The following WDTC1 variants were observed in gnomAD, a reference collection of about 807,000 sequenced individuals.
WDTC1 encodes WD and tetratricopeptide repeats 1.
In WDTC1, 12 loss-of-function variants were observed where a neutral mutation model predicts 76.0. The observed-to-expected ratio is 0.16, with a 90% CI of 0.10 to 0.26. The LOEUF (loss-of-function observed/expected upper bound fraction) is 0.26, where lower values mean the gene tolerates loss of function less well. Ranked by LOEUF, WDTC1 falls within the 10% of genes least tolerant of loss-of-function variation. The pLI, the probability that WDTC1 is intolerant of heterozygous loss-of-function variation, is 1.00. For missense variants in WDTC1, 511 were observed against 908.8 expected (o/e 0.56, Z 5.63); for synonymous variants, 326 against 350.8 (o/e 0.93, Z 0.79).
Position 27,301,103 on chromosome 1 carries a change from C to T in WDTC1, c.1233-123C>T. The T allele has an allele frequency of 1.3e-6, 1 of 794,776 alleles. No individual in the cohort carries two copies. The highest frequency in any genetic ancestry group is 2.0e-6 in the Non-Finnish European group (1 of 489,066). 49.2% of individuals were successfully genotyped at this position (794,776 alleles called of 1,614,324 possible). ...GCCAGGATTCTCTTCGTCCTCAAGT[C>T]CCCTTGCCATGAGATCTGTCAGTGG... On this transcript the variant is annotated intron_variant, in intron 12 of 15. Coordinates refer to ENST00000319394, the MANE Select transcript of WDTC1 (RefSeq NM_001276252.2). The surrounding 1 kb of genome is among the most constrained non-coding windows in gnomAD (Gnocchi z 5.8).
intron 9 of WDTC1, among the ~76,000 whole-genome samples, chr1:27,295,800 C>G (rs2013667924): frequency 6.6e-6 from 1 of 151,786 alleles, no homozygotes; most frequent in Admixed American, 6.6e-5. Context: ...GGGTCTCATT[C>G]TGTCACCCAG....
At position 27,306,199 on chromosome 1, in the gene WDTC1, C is replaced by G. The variant is rs140564293; in HGVS notation, c.1850C>G (p.Thr617Arg). 1,821 of 1,614,124 alleles carry G rather than the reference C, an allele frequency of 1.1e-3. 8 individuals are homozygous for G. Among genetic ancestry groups the G allele is most frequent in the South Asian group, 7.3e-3 (667 of 91,084 alleles). The change falls in exon 16 of 16, where the codon ACA (threonine) becomes AGA (arginine). Residue 617 changes from threonine (T) to arginine (R), a missense_variant. Physicochemically the swap from Thr to Arg is moderately conservative, Grantham distance 71. Transcript: ENST00000319394. The surrounding 1 kb of genome is among the most constrained non-coding windows in gnomAD (Gnocchi z 5.0). Reference protein sequence around the residue: ...WNPRPESEDLTGRVVEDMEGA... With the variant: ...WNPRPESEDLRGRVVEDMEGA... ...TCTCCACCACAGAGTGAAGACCTCACAGGCCGAGTCGTGGAAGATATGGAG... is the reference window on the plus strand; with the variant it reads ...TCTCCACCACAGAGTGAAGACCTCAGAGGCCGAGTCGTGGAAGATATGGAG...
intron 6 of WDTC1, among the ~76,000 whole-genome samples, chr1:27,290,972 C>A: frequency 6.6e-6 from 1 of 152,334 alleles, no homozygotes; most frequent in Middle Eastern, 3.4e-3. Flanking sequence ...GCAGGTCCAA[C>A]TCTGTGTAGC....
intron 6 of WDTC1, among the ~76,000 whole-genome samples, chr1:27,289,018 G>A (rs1333513578): frequency 6.7e-6 from 1 of 149,502 alleles, no homozygotes; most frequent in Non-Finnish European, 1.5e-5. Context: ...CGGGGCGGCT[G>A]GCTGGGCGGG....
intron 12 of WDTC1, among the ~76,000 whole-genome samples, chr1:27,300,104 A>G (rs1171264232): frequency 1.3e-5 from 2 of 152,102 alleles, no homozygotes; most frequent in Non-Finnish European, 2.9e-5. Context: ...CTGCCCCCAC[A>G]TGGGCTGAGC....
rs147777505 is a variant in WDTC1, at chr1:27,259,573, GTC to G, written c.-99-1380_-99-1379del. 7.0e-3 allele frequency among the ~76,000 whole-genome samples: 1,068 copies of G among 151,904 alleles called. 4 individuals are homozygous for G. Among genetic ancestry groups the G allele is most frequent in the South Asian group, 0.015 (72 of 4,808 alleles). On this transcript the variant is annotated intron_variant, in intron 1 of 15. Transcript: ENST00000319394. Reference sequence around the variant, plus strand: ...ACTCCTGGGCTCAAGTGATTCTCCTGTCTCAGCCTCCTGAGTAGTTGGGACTA... The same window carrying G: ...ACTCCTGGGCTCAAGTGATTCTCCTGTCAGCCTCCTGAGTAGTTGGGACTA...
At chr1:27,264,657 G>GTTTTT (rs1158113929) in intron 3 of WDTC1, among the ~76,000 whole-genome samples, 1 of 151,482 alleles carries the variant, frequency 6.6e-6, no homozygotes, top group African/African-American at 2.4e-5. Flanking sequence ...GTTTTGTTTT[G>GTTTTT]TTTTGTTTTT....
At chr1:27,251,425 T>C (rs187229936) in intron 1 of WDTC1, among the ~76,000 whole-genome samples, 300 of 152,180 alleles carry the variant, frequency 2.0e-3, no homozygotes, top group African/African-American at 6.6e-3. Context: ...CTTAAGTATT[T>C]TTATATTTTT....
intron 10 of WDTC1, 62 bp from the exon 11 acceptor site, chr1:27,296,986 C>A: frequency 6.9e-7 from 1 of 1,451,400 alleles, no homozygotes; most frequent in Non-Finnish European, 9.6e-7. Context: ...TAGAGGGCTG[C>A]CAGGAAGAAA....
chr1:27,298,224 G>T, intron 12 of WDTC1, 113 bp downstream of exon 12: 1 of 1,350,878 alleles, frequency 7.4e-7, no homozygotes, highest in Non-Finnish European at 9.9e-7. Flanking sequence ...AAAGTGGCAA[G>T]AACATATTGC....
At chr1:27,246,217 AAC>A (rs1183179696) in intron 1 of WDTC1, among the ~76,000 whole-genome samples, 1 of 152,238 alleles carries the variant, frequency 6.6e-6, no homozygotes, top group Non-Finnish European at 1.5e-5. Flanking sequence ...CTAAAAAAGA[AAC>A]ACATACCCTT....
chr1:27,264,415 C>T (rs2012589653), intron 3 of WDTC1, among the ~76,000 whole-genome samples: 1 of 151,940 alleles, frequency 6.6e-6, no homozygotes, highest in Non-Finnish European at 1.5e-5. Context: ...ATAGCAAGAC[C>T]TTGTCTCTAA....
intron 13 of WDTC1, among the ~76,000 whole-genome samples, chr1:27,302,228 A>G (rs968211272): frequency 3.9e-5 from 6 of 152,190 alleles, no homozygotes; most frequent in Admixed American, 3.9e-4. Context: ...AGCTGTGACT[A>G]AGTCACGTGG....
chr1:27,242,697 G>A (rs902471557), intron 1 of WDTC1, among the ~76,000 whole-genome samples: 1 of 152,078 alleles, frequency 6.6e-6, no homozygotes, highest in African/African-American at 2.4e-5. Context: ...TCAAACTCCT[G>A]ACCTCAGGTG....
intron 1 of WDTC1, among the ~76,000 whole-genome samples, chr1:27,248,820 G>C (rs1245050214): frequency 6.6e-6 from 1 of 151,814 alleles, no homozygotes; most frequent in Non-Finnish European, 1.5e-5. Flanking sequence ...ACCACGCCCA[G>C]CTAATTTTTT....
intron 3 of WDTC1, among the ~76,000 whole-genome samples, chr1:27,270,735 GAGTA>G: frequency 6.6e-6 from 1 of 152,090 alleles, no homozygotes; most frequent in Non-Finnish European, 1.5e-5. Context: ...CTAGGCAACA[GAGTA>G]AGATCCTATC....
chr1:27,259,492 A>C (rs1179832659), intron 1 of WDTC1, among the ~76,000 whole-genome samples: 1 of 151,280 alleles, frequency 6.6e-6, no homozygotes, highest in South Asian at 2.1e-4. Context: ...GTTATGATAA[A>C]ATTGTTTTCC....
intron 1 of WDTC1, among the ~76,000 whole-genome samples, chr1:27,251,033 ATTTTTTTT>A (rs71584875): frequency 3.5e-4 from 10 of 28,678 alleles, no homozygotes; most frequent in Non-Finnish European, 5.6e-4. Flanking sequence ...CTCCTGGCTA[ATTTTTTTT>A]TTTTTTTTTT....
intron 1 of WDTC1, among the ~76,000 whole-genome samples, chr1:27,237,860 T>G (rs1570931277): frequency 9.4e-5 from 2 of 21,236 alleles, no homozygotes; most frequent in Admixed American, 1.3e-3. Context: ...AAACTCCATC[T>G]CAAAAAAAAA....
Sources: gnomAD v4.1 joint callset for allele counts (sites outside exome capture counted in the v4.1 genomes callset) on GRCh38, gnomAD v4.1.1 for gene constraint, Gnocchi (gnomAD v3.1) non-coding constraint, MANE v1.5 for transcripts, NCBI Gene and HGNC (gene_info 2026-07-23, HGNC 2026-07-21) for gene names.